Variants in NCALD observed in about 807,000 individuals in gnomAD.
NCALD encodes the protein neurocalcin-delta.
Under a neutral mutation model 18.6 loss-of-function variants are expected in NCALD, and 10 were observed. The observed-to-expected ratio is 0.54, with a 90% CI of 0.33 to 0.91. The LOEUF is 0.91. Ranked by LOEUF, NCALD falls within the 40% of genes least tolerant of loss-of-function variation. The pLI, the probability that NCALD is intolerant of heterozygous loss-of-function variation, is 0.03. For synonymous variants in NCALD, 88 were observed against 87.4 expected, an observed-to-expected ratio of 1.01 and a Z score of -0.04; for missense variants, 184 against 247.6, an observed-to-expected ratio of 0.74 and a Z score of 1.72.
At chr8:102,029,353 G>T (rs76692162) in intron 1 of NCALD, among the ~76,000 whole-genome samples, 2 of 152,100 alleles carry the variant, frequency 1.3e-5, no homozygotes, top group Admixed American at 1.3e-4. Flanking sequence ...AGTCTGTGGC[G>T]GGCCTTGAAT....
At chr8:101,902,547 G>A (rs1378417971) in intron 3 of NCALD, among the ~76,000 whole-genome samples, 1 of 152,072 alleles carries the variant, frequency 6.6e-6, no homozygotes, top group Non-Finnish European at 1.5e-5. Context: ...GGCTGCTCTG[G>A]GCAAGGCTGC....
chr8:102,004,836 G>A (rs1443078048), intron 2 of NCALD, among the ~76,000 whole-genome samples: 1 of 152,098 alleles, frequency 6.6e-6, no homozygotes, highest in African/African-American at 2.4e-5. Flanking sequence ...TATGTAGAAA[G>A]CTGAAACTGG....
chr8:101,897,944 T>C (rs1817268366), intron 3 of NCALD, among the ~76,000 whole-genome samples: 1 of 152,202 alleles, frequency 6.6e-6, no homozygotes. Context: ...GTTCCCCCAA[T>C]GTGTTCTCAT....
At chr8:102,009,423 T>G (rs1452398749) in intron 2 of NCALD, among the ~76,000 whole-genome samples, 1 of 152,224 alleles carries the variant, frequency 6.6e-6, no homozygotes, top group African/African-American at 2.4e-5. Context: ...GTAGACCTGT[T>G]TTTGTTTCCG....
intron 3 of NCALD, among the ~76,000 whole-genome samples, chr8:101,902,534 T>C (rs1817471985): frequency 6.6e-6 from 1 of 152,118 alleles, no homozygotes; most frequent in Non-Finnish European, 1.5e-5. Context: ...TACAGAGCAA[T>C]GTGGCTGCTC....
intron 3 of NCALD, among the ~76,000 whole-genome samples, chr8:101,901,811 G>A (rs895368426): frequency 1.3e-5 from 2 of 149,648 alleles, no homozygotes; most frequent in Admixed American, 6.6e-5. Context: ...TTTTTTTTGA[G>A]ATGGAGTCTC....
chr8:102,023,617 C>T (rs1471396520), intron 1 of NCALD, among the ~76,000 whole-genome samples: 1 of 152,148 alleles, frequency 6.6e-6, no homozygotes, highest in African/African-American at 2.4e-5. Context: ...GCAAAAGTGC[C>T]AGGGATTTGG....
At chr8:101,710,119 G>A (rs910509026) in intron 2 of NCALD, among the ~76,000 whole-genome samples, 2 of 152,170 alleles carry the variant, frequency 1.3e-5, no homozygotes, top group African/African-American at 2.4e-5. Flanking sequence ...TACAGCCCAC[G>A]GAGGGTGAGC....
intron 1 of NCALD, among the ~76,000 whole-genome samples, chr8:102,098,907 C>T (rs1825186454): frequency 6.6e-6 from 1 of 152,222 alleles, no homozygotes; most frequent in Non-Finnish European, 1.5e-5. Flanking sequence ...CTTCATCTCT[C>T]ACTGGTAATT....
chr8:102,066,202 CA>C (rs561875501), intron 1 of NCALD, among the ~76,000 whole-genome samples: 157 of 152,350 alleles, frequency 1.0e-3, no homozygotes, highest in African/African-American at 3.6e-3. Context: ...CCACAATTGT[CA>C]CAATAACTTT....
At chr8:101,870,340 TC>T (rs1815953656) in intron 4 of NCALD, among the ~76,000 whole-genome samples, 1 of 152,244 alleles carries the variant, frequency 6.6e-6, no homozygotes, top group Non-Finnish European at 1.5e-5. Flanking sequence ...ATAGTTTCTG[TC>T]TTATCTTAGG....
intron 3 of NCALD, among the ~76,000 whole-genome samples, chr8:101,914,665 T>A (rs565543050): frequency 6.6e-6 from 1 of 152,258 alleles, no homozygotes; most frequent in Non-Finnish European, 1.5e-5. Context: ...AATTCTAACT[T>A]CCTTTCTTTG....
At position 102,074,765 on chromosome 8, in the gene NCALD, A is replaced by G. The variant is rs940846741; in HGVS notation, c.-210+49472T>C. Among the ~76,000 whole-genome samples, 3 of 152,344 alleles carry G rather than the reference A, an allele frequency of 2.0e-5. No individual in the cohort carries two copies. The South Asian group carries it at 6.2e-4, about 32-fold the overall frequency. ...GGTTTACATCTACTTTCTTCTATAA[A>G]GAACTTGAAGATGCTTGTAAAATAT... On this transcript the variant is annotated intron_variant, in intron 1 of 6. Transcript: ENST00000311028.
At chr8:101,787,458 C>T (rs781011449) in intron 1 of NCALD, among the ~76,000 whole-genome samples, 1 of 152,090 alleles carries the variant, frequency 6.6e-6, no homozygotes, top group African/African-American at 2.4e-5. Context: ...CATTCTCTTA[C>T]GCGGAGACAG....
At chr8:101,771,304 G>A (rs923520156) in intron 1 of NCALD, among the ~76,000 whole-genome samples, 14 of 152,128 alleles carry the variant, frequency 9.2e-5, no homozygotes, top group Non-Finnish European at 1.2e-4. Flanking sequence ...GAGGTGGGGT[G>A]GACAAAAATT....
At chr8:101,911,675 A>G (rs1403997672) in intron 3 of NCALD, among the ~76,000 whole-genome samples, 1 of 152,090 alleles carries the variant, frequency 6.6e-6, no homozygotes, top group African/African-American at 2.4e-5. Context: ...GAGTTTCTTA[A>G]TTAAATTACT....
chr8:101,856,164 T>C (rs183123779), intron 4 of NCALD, among the ~76,000 whole-genome samples: 1 of 152,214 alleles, frequency 6.6e-6, no homozygotes, highest in Non-Finnish European at 1.5e-5. Context: ...TTGTTTATTT[T>C]TGTTTGGTTT....
intron 2 of NCALD, among the ~76,000 whole-genome samples, chr8:101,954,740 G>C (rs759158261): frequency 3.9e-5 from 6 of 152,190 alleles, no homozygotes; most frequent in Non-Finnish European, 7.3e-5. Flanking sequence ...GCCATTCCTG[G>C]CAGTGTAAAT....
In NCALD at chr8:101,890,715, C is replaced by A. The variant is rs184782291; in HGVS notation, c.-106-3488G>T. Among the ~76,000 whole-genome samples, 24 of 152,324 alleles carry A rather than the reference C, an allele frequency of 1.6e-4. 1 individual carries two copies. In the East Asian group the frequency reaches 4.6e-3, roughly 29 times the overall value. On this transcript the variant is annotated intron_variant, in intron 3 of 6. Coordinates refer to the NCALD transcript ENST00000311028. ...AAACTTCCTGCATCTTAATCTTGGA[C>A]TTCCCAGCCTCCAAAATGGTGAGAG...
Sources: allele counts gnomAD v4.1 joint callset (sites outside exome capture counted in the v4.1 genomes callset), GRCh38; gene constraint gnomAD v4.1.1; transcripts MANE v1.5; gene names NCBI Gene and HGNC (gene_info 2026-07-23, HGNC 2026-07-21).